Variants in EXOC7 observed in about 807,000 individuals in gnomAD.
The protein encoded by EXOC7 is exocyst complex component Exo70.
Under a neutral mutation model 87.6 loss-of-function variants are expected in EXOC7, and 51 were observed. That is an observed-to-expected ratio of 0.58 (90% CI 0.46 to 0.73). The LOEUF (loss-of-function observed/expected upper bound fraction) is 0.73. EXOC7 is among the 30% of genes least tolerant of loss of function. The pLI, the probability that EXOC7 is intolerant of heterozygous loss-of-function variation, is 0.00. For missense variants in EXOC7, 744 were observed against 888.4 expected (o/e 0.84, Z 2.07); for synonymous variants, 327 against 357.1 (o/e 0.92, Z 0.95).
intron 3 of EXOC7, 82 bp downstream of exon 3, chr17:76,101,597 C>A: frequency 6.7e-6 from 10 of 1,502,766 alleles, no homozygotes; most frequent in Non-Finnish European, 9.0e-6. Context: ...CCTCAGCCTC[C>A]CAAATTGTTG....
rs372981369 is a variant in EXOC7 at position 76,081,445 on chromosome 17, C to T, written c.*2203G>A. ...GAGGCCGACAGAGGGCTGCTGGAGG[C>T]GGGTGGGAGTGAGGATGCACGGCCA... On this transcript the variant is annotated 3_prime_UTR_variant, in exon 19 of 19. Transcript: ENST00000589210. 4.0e-5 allele frequency: 65 copies of T among 1,612,234 alleles called. No individual in the cohort carries two copies. The Admixed American group carries it at 4.3e-4, about 11-fold the overall frequency.
At chr17:76,085,171 G>A in intron 15 of EXOC7, 143 bp downstream of exon 15, 2 of 711,430 alleles carry the variant, frequency 2.8e-6, no homozygotes, top group Non-Finnish European at 4.7e-6. Context: ...CACCCCGTGA[G>A]TTTGATTAGA....
chr17:76,083,445 T>A lies in EXOC7; in HGVS notation c.*203A>T. The A allele has an allele frequency of 1.7e-6, 1 of 582,960 alleles. No individual in the cohort carries two copies. The allele number at this position is 582,960 out of a possible 1,614,324, so 36.1% of individuals were successfully genotyped here. On this transcript the variant is annotated 3_prime_UTR_variant, in exon 19 of 19. Transcript: ENST00000589210. ...GAGGGACCCCAGGCTTCCGGGAGAG[T>A]GCTGGTTCGGCTGGGAACACGGGCT... is the stretch of plus-strand genomic sequence containing the variant.
At position 76,094,643 on chromosome 17, in the gene EXOC7, A is replaced by C. The variant is rs73361888; in HGVS notation, c.641-62T>G. 1.1e-3 allele frequency: 1,640 copies of C among 1,520,300 alleles called. 13 individuals carry two copies. The African/African-American group carries it at 0.02, about 18-fold the overall frequency. The allele number at this position is 1,520,300 out of a possible 1,614,324, so 94.2% of individuals were successfully genotyped here. A position where few individuals can be genotyped will look rare whatever the true frequency, so the allele number is the denominator to read the frequency against. ...GGCCCTGTCTCTGCCTTGCAGACCC[A>C]CCATGTCTACCTGTCAAACCTGTCA... On this transcript the variant is annotated intron_variant, in intron 5 of 18. Transcript: ENST00000589210.
intron 7 of EXOC7, 35 bp downstream of exon 7, chr17:76,091,108 G>A (rs2067458238): frequency 6.4e-7 from 1 of 1,569,504 alleles, no homozygotes; most frequent in Non-Finnish European, 8.8e-7. Flanking sequence ...CACAGTGGAG[G>A]AGGAAGGGAC....
chr17:76,081,465 C>T lies in EXOC7; in HGVS notation c.*2183G>A, dbSNP rs376126613. The T allele has an allele frequency of 5.0e-5, 81 of 1,610,622 alleles. 1 individual carries two copies. Among genetic ancestry groups the T allele is most frequent in the African/African-American group, 9.3e-5 (7 of 75,016 alleles). On this transcript the variant is annotated 3_prime_UTR_variant, in exon 19 of 19. Transcript: ENST00000589210. Reference sequence around the variant, plus strand: ...GGAGGCGGGTGGGAGTGAGGATGCACGGCCAGAGGCCAGGCCCCATGCCCC... The same window carrying T: ...GGAGGCGGGTGGGAGTGAGGATGCATGGCCAGAGGCCAGGCCCCATGCCCC...
rs146920686 is a variant in EXOC7 at position 76,090,589 on chromosome 17, C to G, written c.901+554G>C. ...CCACCTTGGGAACAGCCGTTTCAAG[C>G]CTGACTTCAGTGAGCACCCAGGACC... is the stretch of plus-strand genomic sequence containing the variant. On this transcript the variant is annotated intron_variant, in intron 7 of 18. Coordinates refer to ENST00000589210, the MANE Select transcript of EXOC7 (RefSeq NM_001013839.4). 65 of 1,107,792 alleles carry G rather than the reference C, an allele frequency of 5.9e-5. No individual in the cohort carries two copies. The African/African-American group carries it at 9.7e-4, about 16-fold the overall frequency. 68.6% of individuals were successfully genotyped at this position (1,107,792 alleles called of 1,614,324 possible).
chr17:76,085,473 G>A (rs1267974876), intron 14 of EXOC7, 64 bp from the exon 15 acceptor site: 41 of 1,534,604 alleles, frequency 2.7e-5, no homozygotes, highest in Non-Finnish European at 3.2e-5. Flanking sequence ...CAAAGGCTGC[G>A]GCAATGCCGG....
In EXOC7 at chr17:76,094,590, A is replaced by C. The variant is rs754669455; in HGVS notation, c.641-9T>G. 6.2e-7 allele frequency: 1 copy of C among 1,609,920 alleles called. No individual in the cohort carries two copies. The highest frequency in any genetic ancestry group is 8.5e-7 in the Non-Finnish European group (1 of 1,177,834). On this transcript the variant is annotated splice_polypyrimidine_tract_variant and intron_variant, in intron 5 of 18. Transcript: ENST00000589210. Reference sequence around the variant, plus strand: ...GTAGACGTTCATGAAATCTGAGGAGACACAGAGGGATAGAGGTACGGCTGC... The same window carrying C: ...GTAGACGTTCATGAAATCTGAGGAGCCACAGAGGGATAGAGGTACGGCTGC...
In EXOC7 at chr17:76,081,202, C is replaced by G; in HGVS notation, c.*2446G>C. 1 of 1,587,080 alleles carries G rather than the reference C, an allele frequency of 6.3e-7. No individual in the cohort carries two copies. Among genetic ancestry groups the G allele is most frequent in the Non-Finnish European group, 8.6e-7 (1 of 1,165,752 alleles). On this transcript the variant is annotated 3_prime_UTR_variant, in exon 19 of 19. Coordinates refer to ENST00000589210, the MANE Select transcript of EXOC7 (RefSeq NM_001013839.4). ...ATCAAAAGTCTCCATCACCCCTGGG[C>G]TCCAGTCTGCTACCCCCAGACTTGG...
Position 76,084,264 on chromosome 17 carries a change from A to G in EXOC7, c.1802T>C (p.Ile601Thr). The G allele has an allele frequency of 6.2e-7, 1 of 1,613,504 alleles. No homozygotes were observed. The highest frequency in any genetic ancestry group is 1.7e-5 in the Admixed American group (1 of 60,020). ...CCGACTCACCTTAAAACGCTCCTTG[A>G]TAATCTGCCGCTCCTTGTCCCGGAG... Reference protein sequence around the residue: ...VKLRDKERQIIKERFKGFNDG... With the variant: ...VKLRDKERQITKERFKGFNDG... The change falls in exon 17 of 19, where the codon ATC (isoleucine) becomes ACC (threonine). Residue 601 changes from isoleucine to threonine, a missense_variant. This residue lies in a region of EXOC7 where 228 missense variants were observed against 298.6 expected (regional missense o/e 0.76). Transcript: ENST00000589210.
At position 76,103,616 on chromosome 17, in the gene EXOC7, CCCAGGCCCACGCCCA is replaced by C; in HGVS notation, c.60+2_60+16del. The C allele has an allele frequency of 6.2e-7, 1 of 1,613,324 alleles. No homozygotes were observed. Among genetic ancestry groups the C allele is most frequent in the Non-Finnish European group, 8.5e-7 (1 of 1,179,666 alleles). On this transcript the variant is annotated splice_donor_variant and splice_donor_5th_base_variant and intron_variant, in intron 1 of 18. Transcript: ENST00000589210. LOFTEE classifies it high-confidence loss of function. ...TTTCCCTCACCTCCTCCCCAGCCTC[CCCAGGCCCACGCCCA>C]CCTGCTTCAGCTTGTCCTCAATCTC... is the stretch of plus-strand genomic sequence containing the variant.
chr17:76,084,162 A>G, intron 17 of EXOC7, 23 bp from the exon 18 acceptor site: 1 of 1,592,564 alleles, frequency 6.3e-7, no homozygotes, highest in Non-Finnish European at 8.6e-7. Flanking sequence ...AAGGTGAAAA[A>G]GGAAGGCACC....
chr17:76,089,930 A>G, intron 7 of EXOC7: 1 of 191,220 alleles, frequency 5.2e-6, no homozygotes, highest in Non-Finnish European at 1.1e-5. Context: ...CTATTACTGG[A>G]GGCCACGGCG....
At position 76,081,279 on chromosome 17, in the gene EXOC7, G is replaced by T. The variant is rs755903885; in HGVS notation, c.*2369C>A. 1 of 1,613,722 alleles carries T rather than the reference G, an allele frequency of 6.2e-7. No individual in the cohort carries two copies. The highest frequency in any genetic ancestry group is 8.5e-7 in the Non-Finnish European group (1 of 1,179,960). ...ATAGTTCTCATTCCCACCCCTCAGC[G>T]ATGGAGTTAGAGTTCCAGGCCCACG... On this transcript the variant is annotated 3_prime_UTR_variant, in exon 19 of 19. Coordinates refer to ENST00000589210, the MANE Select transcript of EXOC7 (RefSeq NM_001013839.4).
chr17:76,084,892 A>G (rs928571339), intron 15 of EXOC7, among the ~76,000 whole-genome samples: 1 of 152,210 alleles, frequency 6.6e-6, no homozygotes, highest in Non-Finnish European at 1.5e-5. Context: ...GGGCAGATAA[A>G]TGAGAAGGAA....
intron 12 of EXOC7, chr17:76,087,341 A>C: frequency 2.2e-6 from 1 of 447,482 alleles, no homozygotes. Context: ...ACACGAGAGA[A>C]GGATTTGGGA....
intron 11 of EXOC7, 54 bp downstream of exon 11, chr17:76,088,006 T>G (rs1353505678): frequency 6.3e-7 from 1 of 1,592,252 alleles, no homozygotes; most frequent in East Asian, 2.2e-5. Context: ...GCCCTGGGCC[T>G]GGGCCTGGGC....
rs761348414 is a variant in EXOC7 at position 76,103,602 on chromosome 17, T to TCCTCCCCAG, written c.60+22_60+30dup. ...CCGCTGTTGGCCCCTTTCCCTCACCTCCTCCCCAGCCTCCCCAGGCCCACG... is the reference window on the plus strand; with the variant it reads ...CCGCTGTTGGCCCCTTTCCCTCACCTCCTCCCCAGCCTCCCCAGCCTCCCCAGGCCCACG... On this transcript the variant is annotated intron_variant, in intron 1 of 18. Transcript: ENST00000589210. 7.6e-6 allele frequency: 12 copies of TCCTCCCCAG among 1,583,152 alleles called. No homozygotes were observed. The South Asian group carries it at 1.0e-4, about 13-fold the overall frequency.
Sources: gnomAD v4.1 joint callset for allele counts (sites outside exome capture counted in the v4.1 genomes callset) on GRCh38, gnomAD v4.1.1 for gene constraint, gnomAD v4.1.1 regional missense constraint, MANE v1.5 for transcripts, NCBI Gene and HGNC (gene_info 2026-07-23, HGNC 2026-07-21) for gene names.